Variants in ARHGAP20 observed in about 807,000 individuals in gnomAD.
ARHGAP20 encodes rho GTPase-activating protein 20.
ARHGAP20 carries 34 observed loss-of-function variants against 73.7 expected under a neutral mutation model. The ratio of observed to expected loss-of-function variants is 0.46; its 90% CI spans 0.35 to 0.61. The LOEUF (loss-of-function observed/expected upper bound fraction) is 0.61, where lower values mean the gene tolerates loss of function less well. ARHGAP20 is among the 20% of genes least tolerant of loss of function. The probability of loss-of-function intolerance (pLI) is 0.00; values close to 1 mark genes in which losing one functional copy is unlikely to be tolerated. For synonymous variants in ARHGAP20, 523 were observed against 518.2 expected (o/e 1.01, Z -0.13); for missense variants, 1,314 against 1,420.9 (o/e 0.92, Z 1.21).
At chr11:110,708,188 TCAAAAC>T in intron 1 of ARHGAP20, among the ~76,000 whole-genome samples, 1 of 152,098 alleles carries the variant, frequency 6.6e-6, no homozygotes, top group East Asian at 1.9e-4. Context: ...GAAATGCAAA[TCAAAAC>T]CATTAGATAC....
At chr11:110,593,828 G>C (rs1591302112) in intron 9 of ARHGAP20, among the ~76,000 whole-genome samples, 1 of 152,370 alleles carries the variant, frequency 6.6e-6, no homozygotes, top group Admixed American at 6.5e-5. Context: ...TGACAGAACT[G>C]AGATTTGAGG....
intron 4 of ARHGAP20, among the ~76,000 whole-genome samples, chr11:110,619,563 A>C (rs972530839): frequency 1.3e-5 from 2 of 151,056 alleles, no homozygotes; most frequent in Non-Finnish European, 2.9e-5. Flanking sequence ...GCAGTGATAG[A>C]GTATATGTAG....
intron 2 of ARHGAP20, among the ~76,000 whole-genome samples, chr11:110,651,574 A>G (rs1198486065): frequency 1.3e-5 from 2 of 152,106 alleles, no homozygotes; most frequent in African/African-American, 4.8e-5. Flanking sequence ...AATATAAACA[A>G]CTATCAAAGA....
At chr11:110,598,147 C>T (rs1223489774) in intron 9 of ARHGAP20, among the ~76,000 whole-genome samples, 1 of 148,662 alleles carries the variant, frequency 6.7e-6, no homozygotes, top group Non-Finnish European at 1.5e-5. Flanking sequence ...GGCCATGTAA[C>T]TCCCCAAATT....
At chr11:110,604,082 C>A (rs186254493) in intron 9 of ARHGAP20, among the ~76,000 whole-genome samples, 1 of 152,064 alleles carries the variant, frequency 6.6e-6, no homozygotes, top group Non-Finnish European at 1.5e-5. Context: ...TGTTTTTTCT[C>A]CTGTTATGTA....
intron 2 of ARHGAP20, among the ~76,000 whole-genome samples, chr11:110,641,109 A>G (rs1949069040): frequency 6.6e-6 from 1 of 152,086 alleles, no homozygotes; most frequent in Non-Finnish European, 1.5e-5. Flanking sequence ...CTTTTAAATT[A>G]TCAAGATGCT....
Position 110,691,105 on chromosome 11 carries a change from T to C in ARHGAP20, c.106-476A>G, listed in dbSNP as rs1950234164. The C allele has an allele frequency of 9.1e-6, 8 of 879,866 alleles. No individual in the cohort carries two copies. In the South Asian group the frequency reaches 9.7e-5, roughly 11 times the overall value. The allele number at this position is 879,866 out of a possible 1,614,324, so 54.5% of individuals were successfully genotyped here. On this transcript the variant is annotated intron_variant, in intron 1 of 14. Coordinates refer to ENST00000683387, the MANE Select transcript of ARHGAP20 (RefSeq NM_001384657.1). ...AAGCAAAAGCACAGAGACTAGATTT[T>C]TGCATAAATATTAACACACTTGGGA... is the stretch of plus-strand genomic sequence containing the variant.
intron 2 of ARHGAP20, among the ~76,000 whole-genome samples, chr11:110,658,330 G>A (rs1288237540): frequency 6.6e-6 from 1 of 152,060 alleles, no homozygotes; most frequent in African/African-American, 2.4e-5. Flanking sequence ...CTATTCATTT[G>A]GGACTTTTCT....
intron 2 of ARHGAP20, among the ~76,000 whole-genome samples, chr11:110,657,220 A>G (rs775043352): frequency 1.3e-5 from 2 of 152,168 alleles, no homozygotes; most frequent in African/African-American, 4.8e-5. Flanking sequence ...AATATGAGTT[A>G]AGTTTTTGTT....
intron 2 of ARHGAP20, among the ~76,000 whole-genome samples, chr11:110,672,742 A>G (rs1390409629): frequency 6.6e-6 from 1 of 152,234 alleles, no homozygotes; most frequent in Non-Finnish European, 1.5e-5. Context: ...AGTTTTGGTG[A>G]GGATGTGAAA....
At chr11:110,636,660 T>A (rs746474780) in intron 2 of ARHGAP20, among the ~76,000 whole-genome samples, 11 of 151,946 alleles carry the variant, frequency 7.2e-5, no homozygotes, top group Non-Finnish European at 1.6e-4. Flanking sequence ...TAGTAAAAAA[T>A]TCATTCCATA....
chr11:110,647,595 T>C (rs1417562286), intron 2 of ARHGAP20, among the ~76,000 whole-genome samples: 3 of 152,136 alleles, frequency 2.0e-5, no homozygotes, highest in African/African-American at 7.2e-5. Flanking sequence ...TTCATAACTT[T>C]TTTTATGCAA....
chr11:110,676,908 A>C lies in ARHGAP20; in HGVS notation c.188+13639T>G, dbSNP rs983695490. Among the ~76,000 whole-genome samples, 123 of 152,180 alleles carry C rather than the reference A, an allele frequency of 8.1e-4. 1 individual carries two copies. Among genetic ancestry groups the C allele is most frequent in the Non-Finnish European group, 2.5e-4 (17 of 68,038 alleles). On this transcript the variant is annotated intron_variant, in intron 2 of 14. Coordinates refer to ENST00000683387, the MANE Select transcript of ARHGAP20 (RefSeq NM_001384657.1). ...GTATACAATGTGGAATGGTTAAATC[A>C]AGCTAATTAACATTATTTTATAGAC... is the stretch of plus-strand genomic sequence containing the variant.
intron 1 of ARHGAP20, among the ~76,000 whole-genome samples, chr11:110,699,070 T>C (rs1018924759): frequency 3.3e-5 from 5 of 151,950 alleles, no homozygotes; most frequent in African/African-American, 1.2e-4. Flanking sequence ...ACTTTCCTCT[T>C]AGTTCTACTT....
intron 2 of ARHGAP20, among the ~76,000 whole-genome samples, chr11:110,689,299 GA>G (rs1416024065): frequency 6.6e-6 from 1 of 151,948 alleles, no homozygotes; most frequent in East Asian, 1.9e-4. Context: ...ACAATTTGAA[GA>G]TATGTCATAG....
chr11:110,658,102 G>T (rs1299456608), intron 2 of ARHGAP20, among the ~76,000 whole-genome samples: 2 of 152,138 alleles, frequency 1.3e-5, no homozygotes, highest in East Asian at 3.9e-4. Flanking sequence ...TTGGATAGTT[G>T]AGTAAGCCTT....
chr11:110,665,281 T>C (rs1454139331), intron 2 of ARHGAP20, among the ~76,000 whole-genome samples: 1 of 152,148 alleles, frequency 6.6e-6, no homozygotes, highest in Non-Finnish European at 1.5e-5. Context: ...AATCTGAGTT[T>C]TCATTGTAAG....
chr11:110,687,606 A>G (rs1320839581), intron 2 of ARHGAP20, among the ~76,000 whole-genome samples: 1 of 152,100 alleles, frequency 6.6e-6, no homozygotes, highest in Non-Finnish European at 1.5e-5. Context: ...GTAGTTCTTG[A>G]TTCTATTAAA....
At chr11:110,686,788 T>C (rs1950140872) in intron 2 of ARHGAP20, among the ~76,000 whole-genome samples, 1 of 151,982 alleles carries the variant, frequency 6.6e-6, no homozygotes. Context: ...CACTCCAGAA[T>C]ACCGAATTAG....
Sources: allele counts gnomAD v4.1 joint callset (sites outside exome capture counted in the v4.1 genomes callset), GRCh38; gene constraint gnomAD v4.1.1; transcripts MANE v1.5; gene names NCBI Gene and HGNC (gene_info 2026-07-23, HGNC 2026-07-21).